RHOH: variants seen among roughly 807,000 people sequenced by gnomAD.
RHOH encodes the protein ras homolog family member H.
RHOH carries 6 observed loss-of-function variants against 13.8 expected under a neutral mutation model. The ratio of observed to expected loss-of-function variants is 0.44; its 90% CI spans 0.24 to 0.86. The LOEUF (loss-of-function observed/expected upper bound fraction) is 0.86, where lower values mean the gene tolerates loss of function less well. Among genes scored for constraint, RHOH ranks in the 40% least tolerant of loss-of-function variants. The pLI is 0.24. For synonymous variants in RHOH, 117 were observed against 103.0 expected (o/e 1.14, Z -0.82); for missense variants, 147 against 244.5 (o/e 0.60, Z 2.66).
At chr4:40,192,588 A>AG (rs907398026), upstream of RHOH, among the ~76,000 whole-genome samples, 24 of 152,294 alleles carry the variant, frequency 1.6e-4, no homozygotes, top group East Asian at 1.2e-3. Context: ...ATATTATTTA[A>AG]AAAACCTCAA....
intron 1 of RHOH, among the ~76,000 whole-genome samples, chr4:40,232,955 C>T (rs1728121221): frequency 1.3e-5 from 2 of 152,192 alleles, no homozygotes; most frequent in Non-Finnish European, 2.9e-5. Context: ...AATTAATGCT[C>T]CCTCTCCTGT....
chr4:40,215,448 C>T (rs574528844), intron 1 of RHOH, among the ~76,000 whole-genome samples: 1 of 152,300 alleles, frequency 6.6e-6, no homozygotes, highest in Admixed American at 6.5e-5. Flanking sequence ...CCTGGGTGGA[C>T]TCCAATCTTT....
At chr4:40,197,951 G>A (rs1203629802) in intron 1 of RHOH, among the ~76,000 whole-genome samples, 2 of 152,186 alleles carry the variant, frequency 1.3e-5, no homozygotes, top group Non-Finnish European at 2.9e-5. Flanking sequence ...CTAAATGAAA[G>A]TTGCCATTGA....
chr4:40,241,518 A>C (rs1729240356), intron 1 of RHOH, among the ~76,000 whole-genome samples: 1 of 152,230 alleles, frequency 6.6e-6, no homozygotes, highest in African/African-American at 2.4e-5. Flanking sequence ...TATCATGTGA[A>C]TTATTTATAT....
chr4:40,221,323 C>G (rs1250114437), intron 1 of RHOH, among the ~76,000 whole-genome samples: 1 of 152,118 alleles, frequency 6.6e-6, no homozygotes. Context: ...TTTTCAGTTA[C>G]TAATACAGGA....
intron 1 of RHOH, among the ~76,000 whole-genome samples, chr4:40,231,983 A>G (rs551188687): frequency 6.6e-6 from 1 of 152,340 alleles, no homozygotes; most frequent in South Asian, 2.1e-4. Context: ...TTCTAATACC[A>G]TGGCCTCCAC....
At chr4:40,231,213 A>G (rs777715585) in intron 1 of RHOH, among the ~76,000 whole-genome samples, 24 of 151,894 alleles carry the variant, frequency 1.6e-4, no homozygotes, top group Non-Finnish European at 2.4e-4. Flanking sequence ...CATTTAGCTT[A>G]GGAAGCCTTT....
intron 1 of RHOH, among the ~76,000 whole-genome samples, chr4:40,239,673 G>C (rs1399127588): frequency 6.6e-6 from 1 of 152,132 alleles, no homozygotes; most frequent in African/African-American, 2.4e-5. Flanking sequence ...GAGCCCAGGA[G>C]TTTGAGAGCA....
upstream of RHOH, chr4:40,196,779 C>T (rs980348488): frequency 6.9e-6 from 1 of 144,942 alleles, no homozygotes; most frequent in Non-Finnish European, 1.5e-5. Flanking sequence ...TTACGTAGGG[C>T]TTTGCTGGAG....
At chr4:40,201,142 A>G (rs1425186118) in intron 1 of RHOH, among the ~76,000 whole-genome samples, 2 of 152,196 alleles carry the variant, frequency 1.3e-5, no homozygotes, top group Non-Finnish European at 1.5e-5. Flanking sequence ...TAAATAAATG[A>G]TTGAATCATT....
chr4:40,201,934 T>G (rs937948755), intron 1 of RHOH, among the ~76,000 whole-genome samples: 1 of 150,122 alleles, frequency 6.7e-6, no homozygotes, highest in Non-Finnish European at 1.5e-5. Flanking sequence ...CTGGCAACAT[T>G]AACTCCATGA....
chr4:40,192,133 A>G (rs1379759072), upstream of RHOH, among the ~76,000 whole-genome samples: 2 of 152,220 alleles, frequency 1.3e-5, no homozygotes, highest in South Asian at 2.1e-4. Context: ...AAATCTCTCA[A>G]TCAGAAAGAA....
upstream of RHOH, among the ~76,000 whole-genome samples, chr4:40,195,343 CCTTT>C (rs569533263): frequency 1.1e-4 from 16 of 147,336 alleles, no homozygotes; most frequent in African/African-American, 3.8e-4. Context: ...CCCTTTCTTT[CCTTT>C]CTTTCTTTTC....
chr4:40,215,258 A>G (rs927309690), intron 1 of RHOH, among the ~76,000 whole-genome samples: 1 of 152,178 alleles, frequency 6.6e-6, no homozygotes, highest in African/African-American at 2.4e-5. Context: ...TTTGAGCACC[A>G]CCGCAATTTC....
At chr4:40,210,747 G>A (rs768395833) in intron 1 of RHOH, among the ~76,000 whole-genome samples, 1 of 152,134 alleles carries the variant, frequency 6.6e-6, no homozygotes, top group African/African-American at 2.4e-5. Context: ...GAAGGATATT[G>A]CTTTTGTGGG....
chr4:40,215,466 T>G (rs1381923260), intron 1 of RHOH, among the ~76,000 whole-genome samples: 2 of 152,112 alleles, frequency 1.3e-5, no homozygotes, highest in African/African-American at 4.8e-5. Context: ...TTTCAAGCAC[T>G]GTGTGTCTTT....
intron 1 of RHOH, chr4:40,212,543 A>G (rs1725388699): frequency 6.6e-6 from 1 of 152,124 alleles, no homozygotes; most frequent in African/African-American, 2.4e-5. Flanking sequence ...TCTTTTGTAT[A>G]TAGGTGATTT....
intron 1 of RHOH, among the ~76,000 whole-genome samples, chr4:40,216,037 C>A (rs1414319651): frequency 6.6e-6 from 1 of 152,084 alleles, no homozygotes; most frequent in African/African-American, 2.4e-5. Context: ...GGAACTGCAG[C>A]TCGTTTTCCG....
chr4:40,234,422 G>A (rs139004934), intron 1 of RHOH, among the ~76,000 whole-genome samples: 59 of 152,164 alleles, frequency 3.9e-4, no homozygotes, highest in African/African-American at 1.3e-3. Context: ...AAATTGAACC[G>A]GACTAAGAAC....
Sources: gnomAD v4.1 joint callset for allele counts (sites outside exome capture counted in the v4.1 genomes callset) on GRCh38, gnomAD v4.1.1 for gene constraint, MANE v1.5 for transcripts, NCBI Gene and HGNC (gene_info 2026-07-23, HGNC 2026-07-21) for gene names.